ZDHHC17: variants seen among roughly 807,000 people sequenced by gnomAD.
The protein encoded by ZDHHC17 is palmitoyltransferase ZDHHC17.
In ZDHHC17, 40 loss-of-function variants were observed where a neutral mutation model predicts 90.3. That is an observed-to-expected ratio of 0.44 (90% CI 0.34 to 0.58). ZDHHC17 has a LOEUF of 0.58. Ranked by LOEUF, ZDHHC17 falls within the 20% of genes least tolerant of loss-of-function variation. The pLI is 0.01. For synonymous variants in ZDHHC17, 235 were observed against 252.4 expected (o/e 0.93, Z 0.65); for missense variants, 614 against 780.8 (o/e 0.79, Z 2.55).
rs139940942 is a variant in ZDHHC17 at position 76,839,054 on chromosome 12, G to C, written c.1142-2928G>C. On this transcript the variant is annotated intron_variant, in intron 10 of 16. Coordinates refer to ENST00000426126, the MANE Select transcript of ZDHHC17 (RefSeq NM_015336.4). ...TGTGTTCTCACATGGTGAGGAGAAA[G>C]AGGAAGAAATCTCTCATTCTACTTT... 1.4e-3 allele frequency among the ~76,000 whole-genome samples: 213 copies of C among 152,322 alleles called. 1 individual carries two copies. Among genetic ancestry groups the C allele is most frequent in the African/African-American group, 5.0e-3 (206 of 41,570 alleles).
intron 14 of ZDHHC17, 107 bp from the exon 15 acceptor site, chr12:76,848,126 A>G: frequency 8.5e-7 from 1 of 1,173,940 alleles, no homozygotes; most frequent in Non-Finnish European, 1.2e-6. Context: ...TCATCAGTTA[A>G]ATCTAGACTG....
At position 76,809,686 on chromosome 12, in the gene ZDHHC17, CTAAG is replaced by C. The variant is rs764784909; in HGVS notation, c.399-25_399-22del. The stretch of plus-strand genomic sequence containing the variant: ...TCCTGTTTGAAATAACTTTATATAT[CTAAG>C]TGTTTATTCTTTTATGTTTTAGACA... On this transcript the variant is annotated intron_variant, in intron 4 of 16. Transcript: ENST00000426126. 4.3e-6 allele frequency: 6 copies of C among 1,404,318 alleles called. No individual in the cohort carries two copies. In the East Asian group the frequency reaches 1.4e-4, roughly 33 times the overall value. The allele number at this position is 1,404,318 out of a possible 1,614,324, so 87.0% of individuals were successfully genotyped here.
chr12:76,804,780 G>A (rs1413497821), intron 2 of ZDHHC17, among the ~76,000 whole-genome samples: 1 of 152,060 alleles, frequency 6.6e-6, no homozygotes, highest in East Asian at 1.9e-4. Flanking sequence ...AGCTGCCCTG[G>A]GTGTGTCTGC....
In ZDHHC17 at chr12:76,805,377, G is replaced by A. The variant is rs781681084; in HGVS notation, c.258G>A (p.Pro86=). 1.6e-5 allele frequency: 25 copies of A among 1,602,558 alleles called. No homozygotes were observed. Among genetic ancestry groups the A allele is most frequent in the East Asian group, 4.5e-5 (2 of 44,428 alleles). ...LVEAGYDVRQ[P]DKENVTLLHW... is the part of the protein sequence containing the mutation. ...AAGCAGGTTATGATGTACGGCAACC[G>A]GACAAAGAAAATGTTACCCTCCTCC... Residue 86 remains proline (P), a synonymous_variant, in exon 3 of 17, where the codon CCG becomes CCA. Coordinates refer to ENST00000426126, the MANE Select transcript of ZDHHC17 (RefSeq NM_015336.4).
intron 7 of ZDHHC17, among the ~76,000 whole-genome samples, chr12:76,817,913 CTAT>C (rs1288272638): frequency 6.6e-6 from 1 of 152,124 alleles, no homozygotes; most frequent in Non-Finnish European, 1.5e-5. Context: ...ACTTCCTTAA[CTAT>C]TATTGTAGTT....
chr12:76,815,608 T>C (rs1291640108), intron 6 of ZDHHC17, among the ~76,000 whole-genome samples: 1 of 151,834 alleles, frequency 6.6e-6, no homozygotes, highest in Non-Finnish European at 1.5e-5. Context: ...AGGTCAAAAA[T>C]AGAAAATATC....
At chr12:76,765,237 A>G (rs528996746) in intron 1 of ZDHHC17, among the ~76,000 whole-genome samples, 12 of 152,242 alleles carry the variant, frequency 7.9e-5, no homozygotes, top group Non-Finnish European at 5.9e-5. Context: ...ATGAACAAAC[A>G]TGGAAGTCTC....
chr12:76,826,540 A>G (rs762527669), intron 8 of ZDHHC17, among the ~76,000 whole-genome samples: 14 of 152,170 alleles, frequency 9.2e-5, no homozygotes, highest in Non-Finnish European at 1.3e-4. Context: ...ACTATTAGTC[A>G]TTCTAGTTGT....
intron 1 of ZDHHC17, among the ~76,000 whole-genome samples, chr12:76,770,941 A>AT (rs2137709767): frequency 6.6e-6 from 1 of 151,998 alleles, no homozygotes; most frequent in South Asian, 2.1e-4. Context: ...AAAAAAAAAA[A>AT]AAAAAATGCA....
In ZDHHC17 at chr12:76,843,170, T is replaced by C. The variant is rs370191887; in HGVS notation, c.1329+189T>C. Among the ~76,000 whole-genome samples, 99 of 152,278 alleles carry C rather than the reference T, an allele frequency of 6.5e-4. 1 individual carries two copies. The highest frequency in any genetic ancestry group is 2.1e-3 in the African/African-American group (86 of 41,566). On this transcript the variant is annotated intron_variant, in intron 12 of 16. Coordinates refer to ENST00000426126, the MANE Select transcript of ZDHHC17 (RefSeq NM_015336.4). ...GCGCTTATTCCTCGATGGTAGGCCT[T>C]GACTGTACTTTTGATTCGGAGGTGC... is the stretch of plus-strand genomic sequence containing the variant.
At chr12:76,792,307 A>G (rs1952767595) in intron 1 of ZDHHC17, among the ~76,000 whole-genome samples, 1 of 152,170 alleles carries the variant, frequency 6.6e-6, no homozygotes, top group African/African-American at 2.4e-5. Context: ...TGGGACAAAG[A>G]CGGATTACAC....
intron 1 of ZDHHC17, among the ~76,000 whole-genome samples, chr12:76,778,886 A>G (rs112523041): frequency 0.014 from 2,112 of 152,256 alleles, 46 homozygotes; most frequent in African/African-American, 0.047. Context: ...TCCAAGATCA[A>G]GTTTCTTCTG....
chr12:76,822,310 G>T, intron 7 of ZDHHC17, 96 bp from the exon 8 acceptor site: 1 of 1,484,098 alleles, frequency 6.7e-7, no homozygotes, highest in South Asian at 1.2e-5. Context: ...AACGTTAATA[G>T]GGCAGTAAAT....
chr12:76,829,610 T>C (rs182134011), intron 10 of ZDHHC17, among the ~76,000 whole-genome samples: 293 of 152,262 alleles, frequency 1.9e-3, no homozygotes, highest in Admixed American at 3.2e-3. Flanking sequence ...TTTTAAGCCT[T>C]TCTACCAAAT....
intron 10 of ZDHHC17, among the ~76,000 whole-genome samples, chr12:76,839,688 GT>G (rs1953409382): frequency 6.6e-6 from 1 of 152,124 alleles, no homozygotes; most frequent in Non-Finnish European, 1.5e-5. Context: ...TTCGGGGGCT[GT>G]TTAAACATAA....
At chr12:76,771,701 G>A (rs1221251626) in intron 1 of ZDHHC17, among the ~76,000 whole-genome samples, 2 of 151,724 alleles carry the variant, frequency 1.3e-5, no homozygotes, top group Non-Finnish European at 2.9e-5. Context: ...ATTTAATGAG[G>A]TATGAACAAA....
At position 76,845,712 on chromosome 12, in the gene ZDHHC17, C is replaced by G. The variant is rs766364323; in HGVS notation, c.1333C>G (p.Arg445Gly). The change falls in exon 13 of 17, where the codon CGA (arginine) becomes GGA (glycine). Residue 445 changes from arginine to glycine, a missense_variant. Transcript: ENST00000426126. ...CCTTTAACATGCCTATTAACAGATA[C>G]GAAAACCGGTGAGGTCCAAACATTG... The part of the protein sequence containing the change: ...LSIFCSTCLI[R>G]KPVRSKHCGV... The G allele has an allele frequency of 6.3e-7, 1 of 1,595,548 alleles. No individual in the cohort carries two copies. Among genetic ancestry groups the G allele is most frequent in the Non-Finnish European group, 8.6e-7 (1 of 1,167,726 alleles).
At chr12:76,847,560 A>G (rs10862641) in intron 14 of ZDHHC17, among the ~76,000 whole-genome samples, 56,969 of 152,092 alleles carry the variant, frequency 0.37, 11,375 homozygotes, top group East Asian at 0.65. Flanking sequence ...GTATTAGGAA[A>G]GGCCTACCTT....
intron 16 of ZDHHC17, 129 bp from the exon 17 acceptor site, chr12:76,850,718 T>G (rs997344775): frequency 9.1e-7 from 1 of 1,097,016 alleles, no homozygotes; most frequent in African/African-American, 1.6e-5. Context: ...ATGAATTGGT[T>G]CCTTCTTGCA....
Sources: allele counts gnomAD v4.1 joint callset (sites outside exome capture counted in the v4.1 genomes callset), GRCh38; gene constraint gnomAD v4.1.1; transcripts MANE v1.5; gene names NCBI Gene and HGNC (gene_info 2026-07-23, HGNC 2026-07-21).